Variants in NAALADL2 observed in about 807,000 individuals in gnomAD.
NAALADL2 encodes the protein N-acetylated alpha-linked acidic dipeptidase like 2.
NAALADL2 carries 76 observed loss-of-function variants against 87.2 expected under a neutral mutation model. The ratio of observed to expected loss-of-function variants is 0.87; its 90% CI spans 0.72 to 1.05. The LOEUF is 1.05. NAALADL2 is among the 50% of genes least tolerant of loss of function. The pLI, the probability that NAALADL2 is intolerant of heterozygous loss-of-function variation, is 0.00. For missense variants in NAALADL2, 1,089 were observed against 945.8 expected, an observed-to-expected ratio of 1.15 and a Z score of -1.99; for synonymous variants, 354 against 331.0, an observed-to-expected ratio of 1.07 and a Z score of -0.75.
At chr3:174,527,485 C>T (rs949233622) in intron 1 of NAALADL2, among the ~76,000 whole-genome samples, 1 of 150,008 alleles carries the variant, frequency 6.7e-6, no homozygotes, top group African/African-American at 2.5e-5. Context: ...CGCCATTGCA[C>T]TCTAGCCTGG....
At chr3:175,230,708 T>C (rs1356832439) in intron 2 of NAALADL2, among the ~76,000 whole-genome samples, 1 of 151,950 alleles carries the variant, frequency 6.6e-6, no homozygotes, top group Admixed American at 6.6e-5. Context: ...TACTTTACAC[T>C]CACTACATTG....
At chr3:174,555,950 T>G (rs992400472) in intron 2 of NAALADL2, among the ~76,000 whole-genome samples, 17 of 151,694 alleles carry the variant, frequency 1.1e-4, no homozygotes, top group African/African-American at 3.9e-4. Flanking sequence ...TTTTGGTATA[T>G]GCTTAGAGAG....
chr3:174,616,443 T>A (rs1720467717), intron 2 of NAALADL2, among the ~76,000 whole-genome samples: 2 of 152,022 alleles, frequency 1.3e-5, no homozygotes, highest in African/African-American at 4.8e-5. Context: ...GATGACCAAC[T>A]GTTTATGCAT....
chr3:175,646,602 C>G (rs1408421409), intron 11 of NAALADL2, among the ~76,000 whole-genome samples: 1 of 152,034 alleles, frequency 6.6e-6, no homozygotes, highest in African/African-American at 2.4e-5. Flanking sequence ...ATTCCTCTAT[C>G]CCTATGATGT....
At chr3:175,585,827 T>C (rs1167564437) in intron 10 of NAALADL2, among the ~76,000 whole-genome samples, 3 of 152,192 alleles carry the variant, frequency 2.0e-5, no homozygotes, top group Non-Finnish European at 4.4e-5. Flanking sequence ...TTATGTTGCA[T>C]TTGTTCTATC....
intron 2 of NAALADL2, among the ~76,000 whole-genome samples, chr3:175,202,278 G>T (rs1350367538): frequency 1.3e-5 from 2 of 152,064 alleles, no homozygotes; most frequent in African/African-American, 4.8e-5. Context: ...AGTGGTAATG[G>T]TGGTCTCCAG....
chr3:175,254,487 G>C (rs1581136446), intron 3 of NAALADL2, among the ~76,000 whole-genome samples: 1 of 152,120 alleles, frequency 6.6e-6, no homozygotes, highest in Non-Finnish European at 1.5e-5. Context: ...GTATGGAACT[G>C]AACTTGCAAT....
chr3:174,625,830 G>A (rs1721517372), intron 2 of NAALADL2, among the ~76,000 whole-genome samples: 1 of 151,936 alleles, frequency 6.6e-6, no homozygotes, highest in African/African-American at 2.4e-5. Flanking sequence ...TGCAATTGGG[G>A]TTTATGGAAA....
chr3:175,027,124 CCCTA>C (rs1357352841), intron 1 of NAALADL2, among the ~76,000 whole-genome samples: 1 of 152,012 alleles, frequency 6.6e-6, no homozygotes, highest in African/African-American at 2.4e-5. Context: ...TTACATTTTA[CCCTA>C]CACACGTATA....
At chr3:174,606,110 C>A (rs1042954320) in intron 2 of NAALADL2, among the ~76,000 whole-genome samples, 2 of 152,206 alleles carry the variant, frequency 1.3e-5, no homozygotes, top group Non-Finnish European at 2.9e-5. Context: ...GCTGAGGGTC[C>A]TCTCTGTTAG....
At chr3:175,160,014 C>CTTTTTTTTTTTTTTTTTTT (rs1732904695) in intron 2 of NAALADL2, among the ~76,000 whole-genome samples, 4 of 43,668 alleles carry the variant, frequency 9.2e-5, no homozygotes, top group Non-Finnish European at 1.4e-4. Context: ...TTTTTTTTTA[C>CTTTTTTTTTTTTTTTTTTT]TTTTAGTAGA....
At chr3:175,046,544 G>T (rs1754692850) in intron 1 of NAALADL2, among the ~76,000 whole-genome samples, 1 of 152,128 alleles carries the variant, frequency 6.6e-6, no homozygotes, top group South Asian at 2.1e-4. Context: ...ACTGGCTTTG[G>T]ATTCCTTCTC....
intron 9 of NAALADL2, among the ~76,000 whole-genome samples, chr3:175,475,691 T>C (rs1725590268): frequency 6.6e-6 from 1 of 152,156 alleles, no homozygotes; most frequent in Admixed American, 6.6e-5. Flanking sequence ...ATTGTAAAAC[T>C]TTGCAGGGGA....
chr3:175,379,891 G>A (rs1365234010), intron 5 of NAALADL2, among the ~76,000 whole-genome samples: 1 of 152,138 alleles, frequency 6.6e-6, no homozygotes, highest in Non-Finnish European at 1.5e-5. Flanking sequence ...GGTTGTGTAT[G>A]TTTACTCAGA....
chr3:175,472,020 T>C (rs1317306690), intron 9 of NAALADL2, among the ~76,000 whole-genome samples: 1 of 151,386 alleles, frequency 6.6e-6, no homozygotes, highest in Non-Finnish European at 1.5e-5. Flanking sequence ...TACAAAAATA[T>C]ATTTTTAAAA....
Position 175,033,144 on chromosome 3 carries a change from C to T in NAALADL2, c.44-63646C>T, listed in dbSNP as rs149122401. Among the ~76,000 whole-genome samples the T allele has an allele frequency of 2.6e-3, 394 of 151,782 alleles. 2 individuals are homozygous for T. The highest frequency in any genetic ancestry group is 8.1e-3 in the African/African-American group (335 of 41,402). On this transcript the variant is annotated intron_variant, in intron 1 of 13. Transcript: ENST00000454872. Reference sequence around the variant, plus strand: ...GCAAGGTTGGTGGTGGGGAGGGGTCCGTGGATCTGGTTCCGTTGGATGTTA... The same window carrying T: ...GCAAGGTTGGTGGTGGGGAGGGGTCTGTGGATCTGGTTCCGTTGGATGTTA...
chr3:174,866,135 G>C (rs1727111912), intron 1 of NAALADL2, among the ~76,000 whole-genome samples: 1 of 151,868 alleles, frequency 6.6e-6, no homozygotes, highest in South Asian at 2.1e-4. Flanking sequence ...TCATTCAACA[G>C]ATGCATGGAT....
intron 2 of NAALADL2, among the ~76,000 whole-genome samples, chr3:175,157,222 A>G (rs886184630): frequency 2.0e-5 from 3 of 152,112 alleles, no homozygotes; most frequent in Non-Finnish European, 4.4e-5. Flanking sequence ...TATCATGAGG[A>G]TAGGAAAAGA....
At chr3:174,965,762 G>T (rs190491366) in intron 1 of NAALADL2, among the ~76,000 whole-genome samples, 1 of 152,208 alleles carries the variant, frequency 6.6e-6, no homozygotes, top group Non-Finnish European at 1.5e-5. Flanking sequence ...GAGGAAGTTA[G>T]AGAATGGTGG....
Sources: gnomAD v4.1 joint callset for allele counts (sites outside exome capture counted in the v4.1 genomes callset) on GRCh38, gnomAD v4.1.1 for gene constraint, MANE v1.5 for transcripts, NCBI Gene and HGNC (gene_info 2026-07-23, HGNC 2026-07-21) for gene names.